Variants in TRIM71 observed in about 807,000 individuals in gnomAD.
TRIM71 encodes tripartite motif containing 71.
TRIM71 carries 9 observed loss-of-function variants against 61.2 expected under a neutral mutation model. The ratio of observed to expected loss-of-function variants is 0.15; its 90% CI spans 0.09 to 0.26. TRIM71 has a LOEUF of 0.26. TRIM71 is among the 10% of genes least tolerant of loss of function. TRIM71 has a pLI of 1.00. For missense variants in TRIM71, 998 were observed against 1,238.7 expected (o/e 0.81, Z 2.92); for synonymous variants, 645 against 553.2 (o/e 1.17, Z -2.33).
rs926904334 is a variant in TRIM71 at position 32,833,066 on chromosome 3, T to G, written c.852+14134T>G. 2.0e-5 allele frequency among the ~76,000 whole-genome samples: 3 copies of G among 150,726 alleles called. No homozygotes were observed. The East Asian group carries it at 5.9e-4, about 30-fold the overall frequency. On this transcript the variant is annotated intron_variant, in intron 1 of 3. Coordinates refer to ENST00000383763, the MANE Select transcript of TRIM71 (RefSeq NM_001039111.3). ...GTTACGAACCTGTCATCCCAGCTAC[T>G]CGGGAGGCTGAGGCAGGAGAATCAC... is the stretch of plus-strand genomic sequence containing the variant.
In TRIM71 at chr3:32,894,381, A is replaced by T. The variant is rs945763824; in HGVS notation, c.*2570A>T. 2.0e-5 allele frequency: 3 copies of T among 152,196 alleles called. No homozygotes were observed. Among genetic ancestry groups the T allele is most frequent in the African/African-American group, 7.2e-5 (3 of 41,432 alleles). 9.4% of individuals were successfully genotyped at this position (152,196 alleles called of 1,614,324 possible). ...ACTAGAGCTCCTTATTTGACATTTT[A>T]CTATGGATGTGATCGAAAAGCCAAG... is the stretch of plus-strand genomic sequence containing the variant. On this transcript the variant is annotated 3_prime_UTR_variant, in exon 4 of 4. Transcript: ENST00000383763.
At chr3:32,818,971 A>C in intron 1 of TRIM71, 39 bp downstream of exon 1, 1 of 1,597,880 alleles carries the variant, frequency 6.3e-7, no homozygotes, top group Non-Finnish European at 8.5e-7. Flanking sequence ...CCATCGGATA[A>C]CTGCGTGTGT....
chr3:32,821,111 C>T lies in TRIM71; in HGVS notation c.852+2179C>T, dbSNP rs185623510. Among the ~76,000 whole-genome samples, 894 of 152,246 alleles carry T rather than the reference C, an allele frequency of 5.9e-3. 7 individuals are homozygous for T. The highest frequency in any genetic ancestry group is 9.1e-3 in the Non-Finnish European group (622 of 68,026). On this transcript the variant is annotated intron_variant, in intron 1 of 3. Transcript: ENST00000383763. Reference sequence around the variant, plus strand: ...GGTTCCACCTACAGCTTAAATAATTCCTTTTCTTTTGATCTCGTTAACAGT... The same window carrying T: ...GGTTCCACCTACAGCTTAAATAATTTCTTTTCTTTTGATCTCGTTAACAGT...
In TRIM71 at chr3:32,874,342, CT is replaced by C; in HGVS notation, c.1020+358del. Among the ~76,000 whole-genome samples, 2 of 148,920 alleles carry C rather than the reference CT, an allele frequency of 1.3e-5. 1 individual carries two copies. The highest frequency in any genetic ancestry group is 3.0e-5 in the Non-Finnish European group (2 of 67,606). ...ATGCTTATTACTACTACTACTACTA[CT>C]ACTACTACTACTACTACTACTACTA... On this transcript the variant is annotated intron_variant, in intron 2 of 3. Coordinates refer to ENST00000383763, the MANE Select transcript of TRIM71 (RefSeq NM_001039111.3).
At chr3:32,884,995 C>G (rs904960542) in intron 2 of TRIM71, among the ~76,000 whole-genome samples, 1 of 152,126 alleles carries the variant, frequency 6.6e-6, no homozygotes, top group Non-Finnish European at 1.5e-5. Context: ...CCTGGGTTAC[C>G]TGACTCCAGG....
At chr3:32,828,465 CAT>C (rs1696229302) in intron 1 of TRIM71, among the ~76,000 whole-genome samples, 1 of 148,812 alleles carries the variant, frequency 6.7e-6, no homozygotes, top group South Asian at 2.1e-4. Flanking sequence ...TATAAAGTCT[CAT>C]AGCACAGTGC....
At chr3:32,834,425 G>A (rs1167939144) in intron 1 of TRIM71, among the ~76,000 whole-genome samples, 2 of 151,908 alleles carry the variant, frequency 1.3e-5, no homozygotes, top group Admixed American at 1.3e-4. Flanking sequence ...CTTTATTGTT[G>A]GTTTATTTAA....
At chr3:32,844,660 G>C (rs1251097498) in intron 1 of TRIM71, among the ~76,000 whole-genome samples, 2 of 152,150 alleles carry the variant, frequency 1.3e-5, no homozygotes, top group Admixed American at 6.5e-5. Flanking sequence ...CTCCTGAGTT[G>C]TAAATTGGTA....
At chr3:32,870,352 A>T (rs147049451) in intron 1 of TRIM71, among the ~76,000 whole-genome samples, 65 of 152,308 alleles carry the variant, frequency 4.3e-4, no homozygotes, top group African/African-American at 1.5e-3. Flanking sequence ...GCTTTTTATT[A>T]TCAACCATTT....
At chr3:32,866,164 T>G (rs190562169) in intron 1 of TRIM71, among the ~76,000 whole-genome samples, 34 of 138,984 alleles carry the variant, frequency 2.4e-4, no homozygotes, top group African/African-American at 8.1e-4. Context: ...AGGATTTTTG[T>G]TTTTTTTTTG....
intron 1 of TRIM71, among the ~76,000 whole-genome samples, chr3:32,838,144 G>A (rs911671801): frequency 7.9e-5 from 12 of 152,128 alleles, no homozygotes; most frequent in Admixed American, 2.6e-4. Flanking sequence ...TAGAATTACC[G>A]GGGATTTGCG....
At chr3:32,875,944 A>T (rs1468251612) in intron 2 of TRIM71, among the ~76,000 whole-genome samples, 5 of 152,210 alleles carry the variant, frequency 3.3e-5, no homozygotes, top group Admixed American at 2.6e-4. Context: ...CCCATGCATG[A>T]TACTGAAACA....
At chr3:32,842,324 C>G (rs1696416101) in intron 1 of TRIM71, among the ~76,000 whole-genome samples, 1 of 152,194 alleles carries the variant, frequency 6.6e-6, no homozygotes, top group Non-Finnish European at 1.5e-5. Context: ...GCATGCTGCT[C>G]TCCTTTCATG....
chr3:32,891,220 G>A lies in TRIM71; in HGVS notation c.2016G>A (p.Lys672=). The change falls in exon 4 of 4, where the codon AAG becomes AAA. Residue 672 remains lysine, a synonymous_variant. Transcript: ENST00000383763. The surrounding 1 kb of genome is among the most constrained non-coding windows in gnomAD (Gnocchi z 8.2). ...DASRRIVVAD[K]DNHRIQIFTF... ...CACGCAGGATCGTGGTGGCTGACAA[G>A]GACAATCATCGCATCCAGATCTTCA... 8 of 1,613,236 alleles carry A rather than the reference G, an allele frequency of 5.0e-6. No individual in the cohort carries two copies. The highest frequency in any genetic ancestry group is 6.8e-6 in the Non-Finnish European group (8 of 1,179,466).
chr3:32,863,928 C>T (rs1345249953), intron 1 of TRIM71, among the ~76,000 whole-genome samples: 2 of 152,124 alleles, frequency 1.3e-5, no homozygotes, highest in Non-Finnish European at 2.9e-5. Flanking sequence ...ATGGTCCACC[C>T]GCCTCGGCCT....
rs1697076990 is a variant in TRIM71 at position 32,896,281 on chromosome 3, C to T, written c.*4470C>T. On this transcript the variant is annotated 3_prime_UTR_variant, in exon 4 of 4. Transcript: ENST00000383763. ...AATATTTGAAGGGAATGAGAATCCT[C>T]TTGACTTCATGATTGTATTTGTAGC... 6.6e-6 allele frequency: 1 copy of T among 152,186 alleles called. No individual in the cohort carries two copies. Among genetic ancestry groups the T allele is most frequent in the Non-Finnish European group, 1.5e-5 (1 of 68,034 alleles). The allele number at this position is 152,186 out of a possible 1,614,324, so 9.4% of individuals were successfully genotyped here.
At chr3:32,847,290 G>A (rs890392179) in intron 1 of TRIM71, among the ~76,000 whole-genome samples, 8 of 150,316 alleles carry the variant, frequency 5.3e-5, no homozygotes, top group African/African-American at 1.2e-4. Context: ...TCCGCGTCCC[G>A]GGTCCAAGTG....
rs745871220 is a variant in TRIM71, at chr3:32,891,773, G to C, written c.2569G>C (p.Val857Leu). 6.2e-7 allele frequency: 1 copy of C among 1,614,080 alleles called. No homozygotes were observed. The highest frequency in any genetic ancestry group is 1.1e-5 in the South Asian group (1 of 91,086). ...CATCACCCCCGACGGAATGATCGTT[G>C]TGGTGGACTTTGGCAACAATCGAAT... Reference protein sequence around the residue: ...IAITPDGMIVVVDFGNNRILV... With the variant: ...IAITPDGMIVLVDFGNNRILV... Residue 857 changes from valine (V) to leucine (L), a missense_variant, in exon 4 of 4, where the codon GTG (valine) becomes CTG (leucine). By Grantham distance (32) the Val-to-Leu change is conservative. Transcript: ENST00000383763. This position sits in a 1 kb window ranked among gnomAD's most constrained non-coding sequence, Gnocchi z 8.2.
In TRIM71 at chr3:32,869,407, CT is replaced by C. The variant is rs548853244; in HGVS notation, c.853-4409del. ...TCTGGGCCTTCCTCTGTCCTTTCAG[CT>C]TACATTCTTCACTGATAGGGGTAGT... On this transcript the variant is annotated intron_variant, in intron 1 of 3. Transcript: ENST00000383763. Among the ~76,000 whole-genome samples the C allele has an allele frequency of 9.2e-5, 14 of 152,338 alleles. No homozygotes were observed. In the East Asian group the frequency reaches 2.7e-3, roughly 29 times the overall value.
Sources: gnomAD v4.1 joint callset for allele counts (sites outside exome capture counted in the v4.1 genomes callset) on GRCh38, gnomAD v4.1.1 for gene constraint, Gnocchi (gnomAD v3.1) non-coding constraint, MANE v1.5 for transcripts, NCBI Gene and HGNC (gene_info 2026-07-23, HGNC 2026-07-21) for gene names.